GPC6: variants seen among roughly 807,000 people sequenced by gnomAD.
GPC6 encodes glypican-6.
In GPC6, 14 loss-of-function variants were observed where a neutral mutation model predicts 55.2. The ratio of observed to expected loss-of-function variants is 0.25; its 90% CI spans 0.17 to 0.40. The LOEUF (loss-of-function observed/expected upper bound fraction) is 0.40, where lower values mean the gene tolerates loss of function less well. Among genes scored for constraint, GPC6 ranks in the 10% least tolerant of loss-of-function variants. The probability of loss-of-function intolerance (pLI) is 1.00; values close to 1 mark genes in which losing one functional copy is unlikely to be tolerated. For missense variants in GPC6, 641 were observed against 708.5 expected (o/e 0.90, Z 1.08); for synonymous variants, 278 against 259.6 (o/e 1.07, Z -0.68).
rs568629295 is a variant in GPC6 at position 93,447,322 on chromosome 13, A to T, written c.161-97941A>T. Among the ~76,000 whole-genome samples, 5 of 152,316 alleles carry T rather than the reference A, an allele frequency of 3.3e-5. No individual in the cohort carries two copies. In the South Asian group the frequency reaches 1.0e-3, roughly 32 times the overall value. Reference sequence around the variant, plus strand: ...ACCAAATTAAAGCAAAAACATGCAAATGTTCTCATCACATGTTTAGGAGAG... The same window carrying T: ...ACCAAATTAAAGCAAAAACATGCAATTGTTCTCATCACATGTTTAGGAGAG... On this transcript the variant is annotated intron_variant, in intron 1 of 8. Transcript: ENST00000377047.
At chr13:93,308,091 T>A (rs1878935407) in intron 1 of GPC6, among the ~76,000 whole-genome samples, 1 of 152,130 alleles carries the variant, frequency 6.6e-6, no homozygotes, top group Non-Finnish European at 1.5e-5. Context: ...GAGACCATCC[T>A]GGCTAACATG....
intron 4 of GPC6, among the ~76,000 whole-genome samples, chr13:94,257,478 G>A (rs559702127): frequency 1.6e-4 from 24 of 152,222 alleles, no homozygotes; most frequent in Non-Finnish European, 2.1e-4. Flanking sequence ...TCAAGAACTC[G>A]CCCTGGCCCT....
chr13:94,166,805 C>T (rs992795740), intron 4 of GPC6, among the ~76,000 whole-genome samples: 2 of 152,102 alleles, frequency 1.3e-5, no homozygotes, highest in Non-Finnish European at 2.9e-5. Flanking sequence ...AACCTGAAAA[C>T]ATTTAGTTTT....
chr13:93,785,417 T>C (rs1442754895), intron 2 of GPC6, among the ~76,000 whole-genome samples: 1 of 152,190 alleles, frequency 6.6e-6, no homozygotes, highest in Non-Finnish European at 1.5e-5. Flanking sequence ...AAAAGACCTA[T>C]AGCCATGGTA....
At chr13:94,385,083 T>C (rs1880342199) in intron 7 of GPC6, among the ~76,000 whole-genome samples, 1 of 152,010 alleles carries the variant, frequency 6.6e-6, no homozygotes, top group Non-Finnish European at 1.5e-5. Context: ...CTACTAAAAA[T>C]ACAAAAATTA....
At chr13:93,716,582 G>A (rs1031856250) in intron 2 of GPC6, among the ~76,000 whole-genome samples, 2 of 151,602 alleles carry the variant, frequency 1.3e-5, no homozygotes, top group African/African-American at 4.8e-5. Context: ...GCTGTACAAC[G>A]TTTTTGTGTT....
intron 3 of GPC6, among the ~76,000 whole-genome samples, chr13:94,018,415 G>A (rs572128877): frequency 4.0e-5 from 6 of 151,848 alleles, no homozygotes; most frequent in Admixed American, 2.0e-4. Context: ...TCAGCCTCCC[G>A]AGTAATTGTA....
intron 6 of GPC6, among the ~76,000 whole-genome samples, chr13:94,381,664 T>C (rs2139206652): frequency 6.6e-6 from 1 of 152,308 alleles, no homozygotes; most frequent in South Asian, 2.1e-4. Context: ...ATTCCAGCCA[T>C]CTCTGGACTT....
intron 1 of GPC6, among the ~76,000 whole-genome samples, chr13:93,313,771 A>G (rs954521289): frequency 2.9e-4 from 44 of 152,186 alleles, no homozygotes; most frequent in African/African-American, 9.9e-4. Context: ...GGCTCAAACA[A>G]TCCTCCTGCC....
intron 6 of GPC6, among the ~76,000 whole-genome samples, chr13:94,337,709 A>C (rs538826702): frequency 6.6e-6 from 1 of 152,242 alleles, no homozygotes; most frequent in East Asian, 1.9e-4. Context: ...TGGCCTCCCA[A>C]AGTGCTGGGA....
At chr13:93,426,869 T>G (rs1451372365) in intron 1 of GPC6, among the ~76,000 whole-genome samples, 2 of 148,010 alleles carry the variant, frequency 1.4e-5, no homozygotes, top group Admixed American at 6.8e-5. Flanking sequence ...GTAAAAGTGT[T>G]CCTATTTCTC....
intron 4 of GPC6, among the ~76,000 whole-genome samples, chr13:94,273,255 C>T (rs1482034231): frequency 6.6e-6 from 1 of 152,122 alleles, no homozygotes; most frequent in African/African-American, 2.4e-5. Context: ...GCCTGACGCA[C>T]ATCTTATGAT....
chr13:94,048,166 T>G (rs1426932675), intron 4 of GPC6, among the ~76,000 whole-genome samples: 1 of 151,456 alleles, frequency 6.6e-6, no homozygotes, highest in East Asian at 1.9e-4. Context: ...AGTGGGAAAA[T>G]GAGATGATGC....
chr13:93,966,336 A>AGG (rs1366208437), intron 3 of GPC6, among the ~76,000 whole-genome samples: 1 of 152,216 alleles, frequency 6.6e-6, no homozygotes, highest in Non-Finnish European at 1.5e-5. Flanking sequence ...TGCCTAAAAC[A>AGG]ATATAAAAGA....
intron 4 of GPC6, among the ~76,000 whole-genome samples, chr13:94,144,629 A>T (rs1887499490): frequency 6.6e-6 from 1 of 151,908 alleles, no homozygotes; most frequent in Non-Finnish European, 1.5e-5. Context: ...TAACTAAAGG[A>T]TATACTTTTA....
chr13:94,082,467 C>T (rs568980207), intron 4 of GPC6, among the ~76,000 whole-genome samples: 36 of 152,260 alleles, frequency 2.4e-4, no homozygotes, highest in African/African-American at 8.4e-4. Context: ...TGTGAGTCCC[C>T]TTTAGAAAGG....
chr13:93,301,878 C>A (rs1878694442), intron 1 of GPC6, among the ~76,000 whole-genome samples: 1 of 152,094 alleles, frequency 6.6e-6, no homozygotes, highest in South Asian at 2.1e-4. Flanking sequence ...CTCCTTGGAG[C>A]AACACGTGAA....
intron 4 of GPC6, among the ~76,000 whole-genome samples, chr13:94,230,719 C>A (rs1537417): frequency 6.6e-6 from 1 of 152,050 alleles, no homozygotes; most frequent in East Asian, 1.9e-4. Flanking sequence ...AAAAATGTAC[C>A]TAAAAGTGTT....
chr13:94,271,070 A>G lies in GPC6; in HGVS notation c.878-15279A>G, dbSNP rs964702881. Among the ~76,000 whole-genome samples, 3 of 131,400 alleles carry G rather than the reference A, an allele frequency of 2.3e-5. No homozygotes were observed. The South Asian group carries it at 7.2e-4, about 32-fold the overall frequency. The allele number at this position is 131,400 out of a possible 152,430, so 86.2% of individuals were successfully genotyped here. On this transcript the variant is annotated intron_variant, in intron 4 of 8. Coordinates refer to ENST00000377047, the MANE Select transcript of GPC6 (RefSeq NM_005708.5). ...AGTGGCGCAATCTCGGCTCACTGCA[A>G]GCTCCAGCTTCCCAGGTTCATGCCA...
Sources: allele counts gnomAD v4.1 joint callset (sites outside exome capture counted in the v4.1 genomes callset), GRCh38; gene constraint gnomAD v4.1.1; transcripts MANE v1.5; gene names NCBI Gene and HGNC (gene_info 2026-07-23, HGNC 2026-07-21).